Variants in IGSF22 observed in about 807,000 individuals in gnomAD.
IGSF22 encodes the protein immunoglobulin superfamily, member 22.
In IGSF22, 119 loss-of-function variants were observed where a neutral mutation model predicts 127.0. The observed-to-expected ratio is 0.94, with a 90% CI of 0.81 to 1.09. IGSF22 has a LOEUF of 1.09. IGSF22 is among the 50% of genes least tolerant of loss of function. IGSF22 has a pLI of 0.00. For synonymous variants in IGSF22, 568 were observed against 664.7 expected (o/e 0.85, Z 2.24); for missense variants, 1,518 against 1,716.6 (o/e 0.88, Z 2.04).
At position 18,704,351 on chromosome 11, in the gene IGSF22, T is replaced by C. The variant is rs1848180233; in HGVS notation, c.*117A>G. 5 of 706,160 alleles carry C rather than the reference T, an allele frequency of 7.1e-6. No homozygotes were observed. Among genetic ancestry groups the C allele is most frequent in the South Asian group, 6.1e-5 (4 of 65,488 alleles). 43.7% of individuals were successfully genotyped at this position (706,160 alleles called of 1,614,324 possible). A position where few individuals can be genotyped will look rare whatever the true frequency, so the allele number is the denominator to read the frequency against. ...TTTATTGCCCCATCCCTTCACTGAA[T>C]GTTTACATTAACAAACACCAGAGAG... On this transcript the variant is annotated 3_prime_UTR_variant, in exon 23 of 23. Coordinates refer to ENST00000513874, the MANE Select transcript of IGSF22 (RefSeq NM_173588.4).
rs186527831 is a variant in IGSF22, at chr11:18,720,439, G to T, written c.379-154C>A. ...AGGATTGAGCAGCCTGTATGATTTG[G>T]AGGTACCAGCTAGCAGTCAGTGTGA... On this transcript the variant is annotated intron_variant, in intron 4 of 22. Coordinates refer to ENST00000513874, the MANE Select transcript of IGSF22 (RefSeq NM_173588.4). Among the ~76,000 whole-genome samples, 591 of 152,152 alleles carry T rather than the reference G, an allele frequency of 3.9e-3. 2 individuals are homozygous for T. Among genetic ancestry groups the T allele is most frequent in the Non-Finnish European group, 5.5e-3 (375 of 67,974 alleles).
rs904194391 is a variant in IGSF22 at position 18,707,136 on chromosome 11, G to A, written c.3358C>T (p.Pro1120Ser). 1.9e-6 allele frequency: 3 copies of A among 1,551,496 alleles called. No homozygotes were observed. In the Admixed American group the frequency reaches 5.9e-5, roughly 30 times the overall value. ...GCCTCACCGTCCTCCTGCACATCTG[G>A]GCTGTGGTTCCAGGTCAGAGTCACT... ...NTVTLTWNHS[P>S]DVQEDGEAHY... The change falls in exon 21 of 23, where the codon CCA becomes TCA. Residue 1120 changes from proline to serine, a missense_variant. Transcript: ENST00000513874.
At position 18,721,520 on chromosome 11, in the gene IGSF22, G is replaced by A. The variant is rs1366089059; in HGVS notation, c.378+15C>T. The A allele has an allele frequency of 6.2e-7, 1 of 1,614,030 alleles. No individual in the cohort carries two copies. Among genetic ancestry groups the A allele is most frequent in the Admixed American group, 1.7e-5 (1 of 60,016 alleles). ...TGGCCTTCTCGGTAACTGGACTTGG[G>A]CTTGGCCCCCGCACCTTCAGCACGT... On this transcript the variant is annotated intron_variant, in intron 4 of 22. Transcript: ENST00000513874.
At chr11:18,713,713 T>TTTG (rs560738736) in intron 14 of IGSF22, 139 bp downstream of exon 14, 51 of 711,424 alleles carry the variant, frequency 7.2e-5, no homozygotes, top group Non-Finnish European at 1.2e-4. Context: ...GGCTTCTGGC[T>TTTG]GCAAAGCCAG....
Position 18,719,873 on chromosome 11 carries a change from T to C in IGSF22, c.539A>G (p.Lys180Arg). 9.3e-6 allele frequency: 15 copies of C among 1,614,212 alleles called. No homozygotes were observed. Among genetic ancestry groups the C allele is most frequent in the Non-Finnish European group, 1.2e-5 (14 of 1,180,038 alleles). ...CTCATTTGCCACCTTCTTCTGCTTC[T>C]TCTTGGGAGCAGGGGGTGCCCTAGG... ...LKKRAPPAPK[K>R]KQKKVANEKE... Residue 180 changes from lysine to arginine, a missense_variant, in exon 7 of 23, where the codon AAG becomes AGG. Around this residue, in one of 3 missense-constraint regions of IGSF22, gnomAD observed 1,456 missense variants for 1,644.9 expected, o/e 0.89. Coordinates refer to ENST00000513874, the MANE Select transcript of IGSF22 (RefSeq NM_173588.4).
In IGSF22 at chr11:18,715,615, G is replaced by A. The variant is rs768755167; in HGVS notation, c.1348C>T (p.Arg450Cys). The A allele has an allele frequency of 2.0e-5, 32 of 1,613,872 alleles. No individual in the cohort carries two copies. The highest frequency in any genetic ancestry group is 3.3e-5 in the South Asian group (3 of 91,086). Residue 450 changes from arginine to cysteine, a missense_variant, in exon 11 of 23, where the codon CGC (arginine) becomes TGC (cysteine). Physicochemically the swap from Arg to Cys is radical, Grantham distance 180 (BLOSUM62 -3). Coordinates refer to ENST00000513874, the MANE Select transcript of IGSF22 (RefSeq NM_173588.4). ...AGCAGCTGCCCATCCTTCTTCCAGC[G>A]CAGTGTCACATCCTTGGATGTCAGC... ...CELTSKDVTL[R>C]WKKDGQLLMH...
At chr11:18,719,600 G>T in intron 7 of IGSF22, 116 bp downstream of exon 7, 1 of 983,400 alleles carries the variant, frequency 1.0e-6, no homozygotes. Flanking sequence ...GTACGCCTCT[G>T]AGTATGTGTG....
At position 18,710,952 on chromosome 11, in the gene IGSF22, C is replaced by T. The variant is rs569790633; in HGVS notation, c.2399-124G>A. The T allele has an allele frequency of 1.6e-4, 133 of 853,120 alleles. 2 individuals are homozygous for T. The South Asian group carries it at 2.4e-3, about 15-fold the overall frequency. 52.8% of individuals were successfully genotyped at this position (853,120 alleles called of 1,614,324 possible). A position where few individuals can be genotyped will look rare whatever the true frequency, so the allele number is the denominator to read the frequency against. ...AACCAGTGATTCTTTTTTCTTTTTC[C>T]TTTTTTAGAGACAAGGTCTCACTCT... On this transcript the variant is annotated intron_variant, in intron 15 of 22. Transcript: ENST00000513874.
intron 20 of IGSF22, 48 bp downstream of exon 20, chr11:18,707,756 G>C: frequency 6.7e-7 from 1 of 1,483,896 alleles, no homozygotes; most frequent in Non-Finnish European, 9.2e-7. Context: ...CTGTGCTTTG[G>C]AGAGTGTACA....
intron 22 of IGSF22, chr11:18,704,795 G>A: frequency 2.4e-6 from 1 of 422,608 alleles, no homozygotes; most frequent in Non-Finnish European, 4.4e-6. Context: ...GCTCAATGAG[G>A]TAGCTTACTA....
chr11:18,713,030 C>T (rs776670882), intron 14 of IGSF22, among the ~76,000 whole-genome samples: 3 of 152,082 alleles, frequency 2.0e-5, no homozygotes, highest in Non-Finnish European at 4.4e-5. Context: ...TCTTTCCCAC[C>T]TTATTTTATC....
At chr11:18,717,345 A>G (rs1204524034) in intron 9 of IGSF22, among the ~76,000 whole-genome samples, 1 of 152,204 alleles carries the variant, frequency 6.6e-6, no homozygotes, top group African/African-American at 2.4e-5. Context: ...GAAGTTAAAT[A>G]ACTTGACCTA....
chr11:18,715,331 G>A lies in IGSF22; in HGVS notation c.1531+101C>T. 4.0e-6 allele frequency: 5 copies of A among 1,249,744 alleles called. No homozygotes were observed. The South Asian group carries it at 5.4e-5, about 13-fold the overall frequency. 77.4% of individuals were successfully genotyped at this position (1,249,744 alleles called of 1,614,324 possible). On this transcript the variant is annotated intron_variant, in intron 11 of 22. Coordinates refer to ENST00000513874, the MANE Select transcript of IGSF22 (RefSeq NM_173588.4). ...AGACACAAGTTGGTCATGGTCTACAGGAGGGTTGGAGTTAGTGGGAGGGGG... is the reference window on the plus strand; with the variant it reads ...AGACACAAGTTGGTCATGGTCTACAAGAGGGTTGGAGTTAGTGGGAGGGGG...
Position 18,715,640 on chromosome 11 carries a change from C to T in IGSF22, c.1323G>A (p.Glu441=). The stretch of plus-strand genomic sequence containing the variant: ...GCAGTGTCACATCCTTGGATGTCAG[C>T]TCACACTCCAGGCATGCGCGACTCC... ...KERSRACLEC[E]LTSKDVTLRW... is the part of the protein sequence containing the mutation. Residue 441 remains glutamate (E), a synonymous_variant, in exon 11 of 23, where the codon GAG becomes GAA. Transcript: ENST00000513874. The T allele has an allele frequency of 1.9e-6, 3 of 1,614,044 alleles. No individual in the cohort carries two copies. Among genetic ancestry groups the T allele is most frequent in the Non-Finnish European group, 2.5e-6 (3 of 1,180,018 alleles).
intron 14 of IGSF22, among the ~76,000 whole-genome samples, chr11:18,713,433 G>A (rs537620491): frequency 1.3e-5 from 2 of 152,304 alleles, no homozygotes; most frequent in Non-Finnish European, 2.9e-5. Context: ...GATTATAGGT[G>A]TGAGCTATAG....
At position 18,716,565 on chromosome 11, in the gene IGSF22, A is replaced by T. The variant is rs1848466423; in HGVS notation, c.1246+163T>A. ...TTTTCATACCTGCCTCCCCTACTAG[A>T]CTAGGGGTTAACAGAGAGGAGATCC... On this transcript the variant is annotated intron_variant, in intron 10 of 22. Transcript: ENST00000513874. The surrounding 1 kb of genome is among the most constrained non-coding windows in gnomAD (Gnocchi z 4.5). Among the ~76,000 whole-genome samples, 3 of 152,126 alleles carry T rather than the reference A, an allele frequency of 2.0e-5. No homozygotes were observed. The South Asian group carries it at 6.2e-4, about 32-fold the overall frequency.
chr11:18,714,242 T>G, intron 13 of IGSF22, 35 bp downstream of exon 13: 1 of 1,600,598 alleles, frequency 6.2e-7, no homozygotes, highest in East Asian at 2.2e-5. Context: ...GGGCCAGGCA[T>G]GGTTGAGCTT....
In IGSF22 at chr11:18,721,570, A is replaced by C. The variant is rs775348100; in HGVS notation, c.343T>G (p.Phe115Val). Residue 115 changes from phenylalanine (F) to valine (V), a missense_variant, in exon 4 of 23, where the codon TTC becomes GTC. Phe to Val is a conservative substitution (Grantham distance 50). Transcript: ENST00000513874. ...GIPIKESAKI[F>V]YDSINKEHVL... ...TGTTCCTTGTTAATGCTGTCGTAGA[A>C]TATCTTGGCGGACTCCTTGATGGGG... is the stretch of plus-strand genomic sequence containing the variant. The C allele has an allele frequency of 2.0e-5, 32 of 1,614,036 alleles. No homozygotes were observed. The highest frequency in any genetic ancestry group is 1.6e-4 in the East Asian group (7 of 44,882).
Position 18,708,269 on chromosome 11 carries a change from G to T in IGSF22, c.3025C>A (p.Arg1009=). 1 of 1,548,380 alleles carries T rather than the reference G, an allele frequency of 6.5e-7. No homozygotes were observed. Among genetic ancestry groups the T allele is most frequent in the African/African-American group, 1.4e-5 (1 of 73,084 alleles). Residue 1009 remains arginine, a synonymous_variant, in exon 19 of 23, where the codon CGG becomes AGG. Transcript: ENST00000513874. ...PAAPKFDLSA[R]LKSHMVVRAG... is the part of the protein sequence containing the mutation. Reference sequence around the variant, plus strand: ...CGAACCACCATGTGACTCTTCAGCCGGGCACTGAGGTCAAACTTGGGTGCA... The same window carrying T: ...CGAACCACCATGTGACTCTTCAGCCTGGCACTGAGGTCAAACTTGGGTGCA...
Sources: gnomAD v4.1 joint callset for allele counts (sites outside exome capture counted in the v4.1 genomes callset) on GRCh38, gnomAD v4.1.1 for gene constraint, gnomAD v4.1.1 regional missense constraint, Gnocchi (gnomAD v3.1) non-coding constraint, MANE v1.5 for transcripts, NCBI Gene and HGNC (gene_info 2026-07-23, HGNC 2026-07-21) for gene names.